Variants in VWA8 observed in about 807,000 individuals in gnomAD.
VWA8 encodes the protein von Willebrand factor A domain-containing protein 8.
In VWA8, 221 loss-of-function variants were observed where a neutral mutation model predicts 241.5. The ratio of observed to expected loss-of-function variants is 0.91; its 90% CI spans 0.82 to 1.02. The LOEUF is 1.02. Among genes scored for constraint, VWA8 ranks in the 50% least tolerant of loss-of-function variants. VWA8 has a pLI of 0.00. For missense variants in VWA8, 2,322 were observed against 2,328.7 expected, an observed-to-expected ratio of 1.00 and a Z score of 0.06; for synonymous variants, 852 against 827.1, an observed-to-expected ratio of 1.03 and a Z score of -0.52.
rs1257922521 is a variant in VWA8 at position 41,961,076 on chromosome 13, A to T, written c.-61T>A. On this transcript the variant is annotated 5_prime_UTR_variant, in exon 1 of 45. Coordinates refer to ENST00000379310, the MANE Select transcript of VWA8 (RefSeq NM_015058.2). The stretch of plus-strand genomic sequence containing the variant: ...TCGGGGATCGAGCGGCGTCCCGTGC[A>T]GGCACCGTGAGGCAGCGCGGAGAAG... 3.0e-6 allele frequency: 4 copies of T among 1,313,368 alleles called. No individual in the cohort carries two copies. The highest frequency in any genetic ancestry group is 4.1e-5 in the Admixed American group (1 of 24,448). The allele number at this position is 1,313,368 out of a possible 1,614,324, so 81.4% of individuals were successfully genotyped here.
At chr13:41,602,120 G>A (rs2044525526) in intron 40 of VWA8, among the ~76,000 whole-genome samples, 1 of 152,060 alleles carries the variant, frequency 6.6e-6, no homozygotes, top group Admixed American at 6.6e-5. Context: ...TGCTTGGTGA[G>A]TAGCTAGGTT....
intron 42 of VWA8, among the ~76,000 whole-genome samples, chr13:41,584,269 A>G (rs1297081907): frequency 1.3e-5 from 2 of 152,216 alleles, no homozygotes; most frequent in African/African-American, 4.8e-5. Flanking sequence ...CCTGGGCTCT[A>G]TGCTACTATC....
chr13:41,830,306 GT>G lies in VWA8; in HGVS notation c.1700+222del, dbSNP rs558032123. The stretch of plus-strand genomic sequence containing the variant: ...AAAAGCAAATAAAACAGTTGATTAG[GT>G]TTTTTTTTTTAAAAAAAAAAAGTAA... On this transcript the variant is annotated intron_variant, in intron 14 of 44. Coordinates refer to ENST00000379310, the MANE Select transcript of VWA8 (RefSeq NM_015058.2). Among the ~76,000 whole-genome samples, 296 of 142,626 alleles carry G rather than the reference GT, an allele frequency of 2.1e-3. 3 individuals carry two copies. The highest frequency in any genetic ancestry group is 2.4e-3 in the Non-Finnish European group (156 of 65,396). 93.6% of individuals were successfully genotyped at this position (142,626 alleles called of 152,430 possible).
intron 26 of VWA8, among the ~76,000 whole-genome samples, chr13:41,710,427 C>T (rs1338499570): frequency 6.6e-6 from 1 of 152,080 alleles, no homozygotes; most frequent in Non-Finnish European, 1.5e-5. Flanking sequence ...TTTGTATCCC[C>T]ATAAATGAGC....
chr13:41,721,363 T>C lies in VWA8; in HGVS notation c.2964+7A>G, dbSNP rs369888967. 107 of 1,612,694 alleles carry C rather than the reference T, an allele frequency of 6.6e-5. 2 individuals are homozygous for C. Among genetic ancestry groups the C allele is most frequent in the Non-Finnish European group, 9.0e-5 (106 of 1,179,020 alleles). On this transcript the variant is annotated splice_region_variant and intron_variant, in intron 25 of 44. Coordinates refer to ENST00000379310, the MANE Select transcript of VWA8 (RefSeq NM_015058.2). ...GGCTCTTAGGTACAGGTGTGTGCCA[T>C]ACCTACCTGTAAATGTTTGACTATG...
chr13:41,960,767 G>C, intron 1 of VWA8, 86 bp downstream of exon 1: 1 of 1,422,266 alleles, frequency 7.0e-7, no homozygotes. Context: ...GCGCAGCGAA[G>C]CAACAGAGAG....
intron 2 of VWA8, among the ~76,000 whole-genome samples, chr13:41,924,814 A>C (rs1876751852): frequency 6.6e-6 from 1 of 152,032 alleles, no homozygotes; most frequent in Non-Finnish European, 1.5e-5. Flanking sequence ...CACAACGTGC[A>C]AGTCAGTTAC....
intron 43 of VWA8, among the ~76,000 whole-genome samples, chr13:41,573,365 C>T (rs2044323555): frequency 2.7e-5 from 4 of 150,342 alleles, no homozygotes; most frequent in African/African-American, 9.8e-5. Flanking sequence ...TCGTAGCGGG[C>T]CGAGATTGTG....
chr13:41,674,421 T>G (rs1484860046), intron 36 of VWA8, among the ~76,000 whole-genome samples: 1 of 151,974 alleles, frequency 6.6e-6, no homozygotes, highest in Non-Finnish European at 1.5e-5. Context: ...AGGGAGTACA[T>G]GAGAGGAGCA....
chr13:41,852,291 G>C (rs917890085), intron 12 of VWA8, among the ~76,000 whole-genome samples: 1 of 152,100 alleles, frequency 6.6e-6, no homozygotes, highest in African/African-American at 2.4e-5. Context: ...TTAAAACTGG[G>C]TTGTTTTATT....
chr13:41,735,123 G>A (rs1190290543), intron 21 of VWA8, among the ~76,000 whole-genome samples: 1 of 152,112 alleles, frequency 6.6e-6, no homozygotes, highest in African/African-American at 2.4e-5. Context: ...GGATGAGGAA[G>A]GGAAATAGAT....
chr13:41,634,470 TGAA>T (rs1363152485), intron 37 of VWA8, among the ~76,000 whole-genome samples: 4 of 152,138 alleles, frequency 2.6e-5, no homozygotes, highest in Admixed American at 6.6e-5. Context: ...TTTTTTGGGA[TGAA>T]GAAGTTTAAT....
chr13:41,841,288 C>A (rs1041282810), intron 12 of VWA8, among the ~76,000 whole-genome samples: 1 of 152,288 alleles, frequency 6.6e-6, no homozygotes, highest in Non-Finnish European at 1.5e-5. Flanking sequence ...TCTAATAAGT[C>A]TCAATCATCT....
chr13:41,797,402 T>C (rs1325241075), intron 17 of VWA8, among the ~76,000 whole-genome samples: 1 of 152,164 alleles, frequency 6.6e-6, no homozygotes, highest in African/African-American at 2.4e-5. Context: ...GTCTCATGTG[T>C]GCTTGAAAAG....
intron 37 of VWA8, among the ~76,000 whole-genome samples, chr13:41,632,257 A>T (rs2044731483): frequency 6.6e-6 from 1 of 152,284 alleles, no homozygotes; most frequent in Non-Finnish European, 1.5e-5. Context: ...TCTCATACTG[A>T]AGCACTGTGC....
intron 12 of VWA8, among the ~76,000 whole-genome samples, chr13:41,836,788 T>A (rs923329013): frequency 2.0e-5 from 3 of 152,124 alleles, no homozygotes; most frequent in African/African-American, 7.2e-5. Context: ...TAAAGTAAAA[T>A]GAATGATTAT....
In VWA8 at chr13:41,679,246, C is replaced by T. The variant is rs75382439; in HGVS notation, c.4328-3950G>A. 6.1e-3 allele frequency among the ~76,000 whole-genome samples: 922 copies of T among 152,248 alleles called. 5 individuals carry two copies. The highest frequency in any genetic ancestry group is 0.021 in the African/African-American group (878 of 41,548). ...ACATAGCTCCCATGAATAGTGGGGACAGTTTACATGCACAGTGCCAAGGTT... is the reference window on the plus strand; with the variant it reads ...ACATAGCTCCCATGAATAGTGGGGATAGTTTACATGCACAGTGCCAAGGTT... On this transcript the variant is annotated intron_variant, in intron 35 of 44. Coordinates refer to ENST00000379310, the MANE Select transcript of VWA8 (RefSeq NM_015058.2).
chr13:41,798,302 T>C (rs1869795169), intron 17 of VWA8, among the ~76,000 whole-genome samples: 1 of 152,182 alleles, frequency 6.6e-6, no homozygotes, highest in African/African-American at 2.4e-5. Context: ...TGCATGCCAG[T>C]CTTTTTCTCT....
intron 35 of VWA8, among the ~76,000 whole-genome samples, chr13:41,678,310 G>A (rs2045074595): frequency 6.6e-6 from 1 of 152,224 alleles, no homozygotes; most frequent in African/African-American, 2.4e-5. Context: ...TGGATTAGCT[G>A]TCTTCAAGTG....
Sources: gnomAD v4.1 joint callset for allele counts (sites outside exome capture counted in the v4.1 genomes callset) on GRCh38, gnomAD v4.1.1 for gene constraint, MANE v1.5 for transcripts, NCBI Gene and HGNC (gene_info 2026-07-23, HGNC 2026-07-21) for gene names.